The following ARHGAP21 variants were observed in gnomAD, a reference collection of about 807,000 sequenced individuals.
The protein encoded by ARHGAP21 is rho GTPase-activating protein 21.
In ARHGAP21, 38 loss-of-function variants were observed where a neutral mutation model predicts 164.6. The ratio of observed to expected loss-of-function variants is 0.23; its 90% CI spans 0.18 to 0.30. The LOEUF (loss-of-function observed/expected upper bound fraction) is 0.30, where lower values mean the gene tolerates loss of function less well. Ranked by LOEUF, ARHGAP21 falls within the 10% of genes least tolerant of loss-of-function variation. The probability of loss-of-function intolerance (pLI) is 1.00; values close to 1 mark genes in which losing one functional copy is unlikely to be tolerated. For synonymous variants in ARHGAP21, 766 were observed against 857.9 expected (o/e 0.89, Z 1.87); for missense variants, 1,822 against 2,370.7 (o/e 0.77, Z 4.81).
chr10:24,625,050 T>TGTGGGGGGG lies in ARHGAP21; in HGVS notation c.496-2289_496-2288insCCCCCCCAC, dbSNP rs1238794963. ...ATTAGATACAAAAAGCTCTAAAAAGTGGGGGGGGGGGGGGAGGAGGAGGAG... is the reference window on the plus strand; with the variant it reads ...ATTAGATACAAAAAGCTCTAAAAAGTGTGGGGGGGGGGGGGGGGGGGGGAGGAGGAGGAG... On this transcript the variant is annotated intron_variant, in intron 7 of 25. Coordinates refer to ENST00000396432, the MANE Select transcript of ARHGAP21 (RefSeq NM_020824.4). Among the ~76,000 whole-genome samples, 2 of 774 alleles carry TGTGGGGGGG rather than the reference T, an allele frequency of 2.6e-3. 1 individual carries two copies. The highest frequency in any genetic ancestry group is 8.1e-3 in the African/African-American group (2 of 248). 0.5% of individuals were successfully genotyped at this position (774 alleles called of 152,430 possible).
At chr10:24,634,055 G>C (rs1407793299) in intron 5 of ARHGAP21, among the ~76,000 whole-genome samples, 1 of 151,566 alleles carries the variant, frequency 6.6e-6, no homozygotes, top group Non-Finnish European at 1.5e-5. Flanking sequence ...AAGAACAGAG[G>C]AAAGAAGAAA....
intron 8 of ARHGAP21, 146 bp downstream of exon 8, chr10:24,622,587 C>T (rs888997342): frequency 4.9e-5 from 41 of 829,590 alleles, no homozygotes; most frequent in Non-Finnish European, 7.2e-5. Flanking sequence ...CCATCTATCA[C>T]AAACGTATTC....
intron 2 of ARHGAP21, among the ~76,000 whole-genome samples, chr10:24,710,194 G>A (rs767131760): frequency 6.6e-6 from 1 of 152,022 alleles, no homozygotes; most frequent in Non-Finnish European, 1.5e-5. Flanking sequence ...AGTATCTCTA[G>A]ATATAAATAT....
At chr10:24,596,606 G>T (rs1203540228) in intron 17 of ARHGAP21, 134 bp downstream of exon 17, 2 of 1,221,428 alleles carry the variant, frequency 1.6e-6, no homozygotes, top group African/African-American at 3.2e-5. Context: ...AAATACTTAG[G>T]GAAACTAAGG....
intron 4 of ARHGAP21, among the ~76,000 whole-genome samples, chr10:24,663,272 C>A (rs921754994): frequency 6.6e-6 from 1 of 152,220 alleles, no homozygotes; most frequent in South Asian, 2.1e-4. Flanking sequence ...GCCAGTAAAG[C>A]AACCAGATAA....
chr10:24,597,624 C>T (rs2076639519), intron 15 of ARHGAP21, 41 bp from the exon 16 acceptor site: 1 of 1,607,256 alleles, frequency 6.2e-7, no homozygotes, highest in Non-Finnish European at 8.5e-7. Flanking sequence ...TACAGTAATC[C>T]CCCTCTATCT....
chr10:24,682,364 C>T (rs534317626), intron 2 of ARHGAP21, among the ~76,000 whole-genome samples: 1 of 152,190 alleles, frequency 6.6e-6, no homozygotes, highest in South Asian at 2.1e-4. Flanking sequence ...TGGAGCTAGC[C>T]CATGCTTTTC....
intron 9 of ARHGAP21, among the ~76,000 whole-genome samples, chr10:24,610,060 A>C (rs2077186893): frequency 1.3e-5 from 2 of 152,218 alleles, no homozygotes; most frequent in Admixed American, 6.5e-5. Flanking sequence ...GTGTTAAACT[A>C]CGTAATCAAA....
intron 2 of ARHGAP21, among the ~76,000 whole-genome samples, chr10:24,693,225 A>G (rs898473735): frequency 7.9e-5 from 12 of 152,236 alleles, no homozygotes; most frequent in African/African-American, 2.4e-4. Context: ...CATTTTATGT[A>G]CTGCTATATT....
chr10:24,586,471 C>A (rs551981565), intron 25 of ARHGAP21, among the ~76,000 whole-genome samples: 1 of 152,218 alleles, frequency 6.6e-6, no homozygotes, highest in South Asian at 2.1e-4. Context: ...GGAATAGAGG[C>A]ATGGGATAGG....
At chr10:24,589,415 CAAAACAAT>C in intron 24 of ARHGAP21, 113 bp from the exon 25 acceptor site, 1 of 937,674 alleles carries the variant, frequency 1.1e-6, no homozygotes, top group East Asian at 2.7e-5. Flanking sequence ...AAGCAAAACT[CAAAACAAT>C]AGAACACAGT....
intron 11 of ARHGAP21, among the ~76,000 whole-genome samples, chr10:24,606,885 G>A (rs967073077): frequency 2.0e-5 from 3 of 152,126 alleles, no homozygotes; most frequent in Non-Finnish European, 4.4e-5. Context: ...CATACCCTTT[G>A]ATGTAAGAAT....
chr10:24,689,932 ATGTATATATGTATATG>A (rs1371121367), intron 2 of ARHGAP21, among the ~76,000 whole-genome samples: 16 of 137,514 alleles, frequency 1.2e-4, no homozygotes, highest in East Asian at 6.5e-4. Flanking sequence ...ATGTATGTAT[ATGTATATATGTATATG>A]TGTGTGTGTG....
At chr10:24,706,663 G>C (rs1166783131) in intron 2 of ARHGAP21, 1 of 152,546 alleles carries the variant, frequency 6.6e-6, no homozygotes, top group African/African-American at 2.4e-5. Flanking sequence ...GCGGGGTTAC[G>C]AGAGCTCTGC....
At chr10:24,590,157 T>TTAACACATGGCTAAATGC in intron 24 of ARHGAP21, 1 of 1,384,348 alleles carries the variant, frequency 7.2e-7, no homozygotes, top group Non-Finnish European at 9.3e-7. Flanking sequence ...CACGCCCCTT[T>TTAACACATGGCTAAATGC]TAACACATGG....
At position 24,619,921 on chromosome 10, in the gene ARHGAP21, G is replaced by T; in HGVS notation, c.1974C>A (p.Asn658Lys). Reference protein sequence around the residue: ...DQRPVNHLHQNSLLNQQTWVR... With the variant: ...DQRPVNHLHQKSLLNQQTWVR... ...CCCATGTCTGCTGATTCAACAGACT[G>T]TTCTGATGCAAGTGATTTACTGGTC... Residue 658 changes from asparagine to lysine, a missense_variant, in exon 9 of 26, where the codon AAC becomes AAA. By Grantham distance (94) the Asn-to-Lys change is moderately conservative (BLOSUM62 0). This residue lies in a region of ARHGAP21 where 1,090 missense variants were observed against 1,378.9 expected (regional missense o/e 0.79). Transcript: ENST00000396432. The T allele has an allele frequency of 6.2e-7, 1 of 1,614,172 alleles. No individual in the cohort carries two copies. Among genetic ancestry groups the T allele is most frequent in the Non-Finnish European group, 8.5e-7 (1 of 1,180,024 alleles).
chr10:24,589,522 A>G, intron 24 of ARHGAP21: 1 of 479,058 alleles, frequency 2.1e-6, no homozygotes, highest in East Asian at 3.7e-5. Flanking sequence ...GAACCAGCTC[A>G]ATGATAGAAA....
chr10:24,719,020 G>A (rs1395769713), intron 2 of ARHGAP21, among the ~76,000 whole-genome samples: 1 of 151,204 alleles, frequency 6.6e-6, no homozygotes, highest in Non-Finnish European at 1.5e-5. Context: ...TATCATAGAG[G>A]ATTCAACAGA....
intron 2 of ARHGAP21, among the ~76,000 whole-genome samples, chr10:24,680,325 T>TA (rs1361255306): frequency 6.6e-6 from 1 of 152,234 alleles, no homozygotes; most frequent in Non-Finnish European, 1.5e-5. Flanking sequence ...TTCAACACTT[T>TA]AAAAACTATA....
Sources: allele counts gnomAD v4.1 joint callset (sites outside exome capture counted in the v4.1 genomes callset), GRCh38; gene constraint gnomAD v4.1.1; regional missense constraint gnomAD v4.1.1; transcripts MANE v1.5; gene names NCBI Gene and HGNC (gene_info 2026-07-23, HGNC 2026-07-21).